The following ATRX variants were observed in gnomAD, a reference collection of about 807,000 sequenced individuals.
The protein encoded by ATRX is ATRX chromatin remodeler.
In ATRX, 12 loss-of-function variants were observed where a neutral mutation model predicts 172.6. The ratio of observed to expected loss-of-function variants is 0.07; its 90% CI spans 0.04 to 0.11. ATRX has a LOEUF of 0.11. Among genes scored for constraint, ATRX ranks in the 10% least tolerant of loss-of-function variants. The probability of loss-of-function intolerance (pLI) is 1.00; values close to 1 mark genes in which losing one functional copy is unlikely to be tolerated. For missense variants in ATRX, 1,368 were observed against 1,767.4 expected (o/e 0.77, Z 4.05); for synonymous variants, 674 against 594.7 (o/e 1.13, Z -1.94).
intron 1 of ATRX, among the ~76,000 whole-genome samples, chrX:77,724,418 G>C (rs1304535262): frequency 9.3e-6 from 1 of 107,325 alleles, no homozygotes; most frequent in Non-Finnish European, 1.9e-5. Flanking sequence ...CCTTTGGAGA[G>C]AGGGAGTCTC....
intron 30 of ATRX, among the ~76,000 whole-genome samples, chrX:77,545,329 C>T (rs190969505): frequency 8.9e-6 from 1 of 111,894 alleles, no homozygotes; most frequent in Non-Finnish European, 1.9e-5. Context: ...AGGGAAAAGG[C>T]AATATGAATT....
At chrX:77,661,444 G>A (rs1159073622) in intron 12 of ATRX, among the ~76,000 whole-genome samples, 1 of 97,838 alleles carries the variant, frequency 1.0e-5, no homozygotes, top group Non-Finnish European at 2.1e-5. Flanking sequence ...GAGGTCCAGA[G>A]TTCAAAAATA....
chrX:77,599,596 CAAACAAACAAAA>C lies in ATRX; in HGVS notation c.5787-28_5787-17del. 8.3e-7 allele frequency: 1 copy of C among 1,207,358 alleles called. No individual in the cohort carries two copies. Among genetic ancestry groups the C allele is most frequent in the Non-Finnish European group, 1.1e-6 (1 of 893,195 alleles). On this transcript the variant is annotated splice_polypyrimidine_tract_variant and intron_variant, in intron 24 of 34. Transcript: ENST00000373344. ...TTTCTTCTTTCTAAAAACAAACAAACAAACAAACAAAAAAACACATTCAGATTGTTAGAAAAG... is the reference window on the plus strand; with the variant it reads ...TTTCTTCTTTCTAAAAACAAACAAACAAACACATTCAGATTGTTAGAAAAG...
chrX:77,519,800 GCTAGGC>G (rs782603862), intron 34 of ATRX, among the ~76,000 whole-genome samples: 1 of 111,371 alleles, frequency 9.0e-6, no homozygotes, highest in Non-Finnish European at 1.9e-5. Context: ...CAGTCCCACT[GCTAGGC>G]CTATACCCAA....
intron 14 of ATRX, 144 bp from the exon 15 acceptor site, chrX:77,652,497 T>TAAAAA: frequency 5.2e-6 from 2 of 386,032 alleles, no homozygotes; most frequent in Non-Finnish European, 7.7e-6. Context: ...AGAGTAGTAT[T>TAAAAA]AAAAAAAAAA....
rs189726451 is a variant in ATRX at position 77,754,435 on chromosome X, G to A, written c.20+31547C>T. ...GTTGATGCAGTTTCTTTATAGTGTC[G>A]ATGGTCTTTACAATTTGGAATGTTT... On this transcript the variant is annotated intron_variant, in intron 1 of 34. Coordinates refer to ENST00000373344, the MANE Select transcript of ATRX (RefSeq NM_000489.6). Among the ~76,000 whole-genome samples the A allele has an allele frequency of 4.0e-3, 447 of 111,713 alleles. 1 individual carries two copies. The highest frequency in any genetic ancestry group is 0.014 in the African/African-American group (424 of 30,802).
intron 30 of ATRX, among the ~76,000 whole-genome samples, chrX:77,528,457 C>A (rs2147789890): frequency 9.0e-6 from 1 of 111,351 alleles, no homozygotes; most frequent in African/African-American, 3.3e-5. Context: ...TGGGTGAGAT[C>A]TTCCAGTGCA....
intron 1 of ATRX, among the ~76,000 whole-genome samples, chrX:77,727,058 A>G (rs1174114285): frequency 8.9e-6 from 1 of 111,859 alleles, no homozygotes; most frequent in Non-Finnish European, 1.9e-5. Flanking sequence ...AGACATTTAC[A>G]TGGCCAACAA....
chrX:77,689,489 T>A (rs1036456367), intron 6 of ATRX, among the ~76,000 whole-genome samples: 1 of 111,884 alleles, frequency 8.9e-6, no homozygotes. Context: ...CTTTTTTCTA[T>A]GTGTACTCCA....
chrX:77,598,639 T>C (rs1402832755), intron 25 of ATRX, among the ~76,000 whole-genome samples: 1 of 111,448 alleles, frequency 9.0e-6, no homozygotes, highest in Non-Finnish European at 1.9e-5. Context: ...TCTCTCTTCA[T>C]AATCTGCTAT....
intron 19 of ATRX, among the ~76,000 whole-genome samples, chrX:77,627,833 T>A (rs1324001873): frequency 1.8e-5 from 2 of 110,561 alleles, no homozygotes; most frequent in African/African-American, 3.3e-5. Flanking sequence ...GCTACTGCAC[T>A]CCAGCCTGGG....
At chrX:77,519,565 T>A (rs1340618202) in intron 34 of ATRX, among the ~76,000 whole-genome samples, 1 of 110,760 alleles carries the variant, frequency 9.0e-6, no homozygotes, top group East Asian at 2.8e-4. Flanking sequence ...TGAGACCCCG[T>A]CTCTACAAAA....
At chrX:77,554,790 C>A (rs1317650487) in intron 30 of ATRX, among the ~76,000 whole-genome samples, 6 of 112,225 alleles carry the variant, frequency 5.3e-5, no homozygotes, top group African/African-American at 1.9e-4. Context: ...ATCAGCACTT[C>A]ATTCTTTCCC....
rs2067708921 is a variant in ATRX at position 77,624,080 on chromosome X, A to T, written c.5135-3548T>A. 2.7e-5 allele frequency among the ~76,000 whole-genome samples: 3 copies of T among 111,742 alleles called. No homozygotes were observed. In the South Asian group the frequency reaches 1.1e-3, roughly 42 times the overall value. On this transcript the variant is annotated intron_variant, in intron 19 of 34. Coordinates refer to ENST00000373344, the MANE Select transcript of ATRX (RefSeq NM_000489.6). Reference sequence around the variant, plus strand: ...CAATCAGACGAAAGAAATAAAGGGGATCTGGGCCGGGTGCGGTGGCTCACG... The same window carrying T: ...CAATCAGACGAAAGAAATAAAGGGGTTCTGGGCCGGGTGCGGTGGCTCACG...
chrX:77,554,949 G>T (rs2064714625), intron 30 of ATRX, among the ~76,000 whole-genome samples: 1 of 111,962 alleles, frequency 8.9e-6, no homozygotes, highest in African/African-American at 3.2e-5. Context: ...TTTTTAAAAA[G>T]CAGGCACGTC....
In ATRX at chrX:77,504,895, A is replaced by G. The variant is rs1216917609; in HGVS notation, c.*3456T>C. Reference sequence around the variant, plus strand: ...ACACAGTATATATTTCGGATTTAAAACTTTATTCACCCCATATAATAGTAT... The same window carrying G: ...ACACAGTATATATTTCGGATTTAAAGCTTTATTCACCCCATATAATAGTAT... On this transcript the variant is annotated 3_prime_UTR_variant, in exon 35 of 35. Transcript: ENST00000373344. The G allele has an allele frequency of 1.4e-5, 2 of 146,663 alleles. No individual in the cohort carries two copies. Among genetic ancestry groups the G allele is most frequent in the Non-Finnish European group, 2.7e-5 (2 of 74,453 alleles). The allele number at this position is 146,663 out of a possible 1,213,427, so 12.1% of individuals were successfully genotyped here. A position where few individuals can be genotyped will look rare whatever the true frequency, so the allele number is the denominator to read the frequency against.
intron 1 of ATRX, among the ~76,000 whole-genome samples, chrX:77,763,589 G>A (rs973847182): frequency 2.8e-5 from 3 of 107,618 alleles, no homozygotes; most frequent in Non-Finnish European, 3.8e-5. Flanking sequence ...TCCTGCCTCG[G>A]CCTCCCGAGT....
intron 2 of ATRX, among the ~76,000 whole-genome samples, chrX:77,701,236 G>A (rs1055901808): frequency 9.0e-6 from 1 of 111,546 alleles, no homozygotes. Flanking sequence ...TTCTGGCCAG[G>A]TGTGGTGGCT....
intron 1 of ATRX, among the ~76,000 whole-genome samples, chrX:77,785,232 TA>T (rs2076692705): frequency 9.0e-6 from 1 of 110,912 alleles, no homozygotes; most frequent in African/African-American, 3.3e-5. Flanking sequence ...AGATAGGGCC[TA>T]ATTACTCCTC....
Sources: allele counts gnomAD v4.1 joint callset (sites outside exome capture counted in the v4.1 genomes callset), GRCh38; gene constraint gnomAD v4.1.1; transcripts MANE v1.5; gene names NCBI Gene and HGNC (gene_info 2026-07-23, HGNC 2026-07-21).